ANKAR: variants seen among roughly 807,000 people sequenced by gnomAD.
ANKAR encodes ankyrin and armadillo repeat containing.
Under a neutral mutation model 146.2 loss-of-function variants are expected in ANKAR, and 136 were observed. The ratio of observed to expected loss-of-function variants is 0.93; its 90% CI spans 0.81 to 1.07. The LOEUF is 1.07. Among genes scored for constraint, ANKAR ranks in the 50% least tolerant of loss-of-function variants. The pLI, the probability that ANKAR is intolerant of heterozygous loss-of-function variation, is 0.00. For missense variants in ANKAR, 1,567 were observed against 1,679.9 expected (o/e 0.93, Z 1.18); for synonymous variants, 500 against 575.8 (o/e 0.87, Z 1.88).
chr2:189,732,146 C>A (rs2042461488), intron 16 of ANKAR, among the ~76,000 whole-genome samples: 1 of 152,152 alleles, frequency 6.6e-6, no homozygotes, highest in African/African-American at 2.4e-5. Context: ...ATGGATAAAA[C>A]ATTTTGCAAT....
chr2:189,693,242 A>G, intron 5 of ANKAR, 65 bp downstream of exon 5: 1 of 966,440 alleles, frequency 1.0e-6, no homozygotes, highest in East Asian at 2.5e-5. Flanking sequence ...GAGAACAAAG[A>G]AAATGACAAA....
chr2:189,744,362 G>C (rs148876851), intron 21 of ANKAR, among the ~76,000 whole-genome samples: 4 of 152,280 alleles, frequency 2.6e-5, no homozygotes, highest in African/African-American at 9.6e-5. Context: ...AAGGAATTAA[G>C]ATAAATAATG....
At chr2:189,750,611 G>A, downstream of ANKAR, 2 of 1,592,094 alleles carry the variant, frequency 1.3e-6, no homozygotes, top group South Asian at 1.1e-5. Flanking sequence ...GTACTTTTAT[G>A]GAAGCTTCTC....
At chr2:189,752,868 T>C in intron 18 of ANKAR, 2 of 1,613,846 alleles carry the variant, frequency 1.2e-6, no homozygotes, top group Non-Finnish European at 1.7e-6. Flanking sequence ...ATAATGCCAT[T>C]ATCAGTGCAT....
chr2:189,758,265 C>T (rs2046382848), intron 18 of ANKAR, among the ~76,000 whole-genome samples: 2 of 152,022 alleles, frequency 1.3e-5, no homozygotes, highest in South Asian at 4.1e-4. Context: ...CCTATAATCC[C>T]AGCTATTCTG....
chr2:189,762,423 C>T (rs764923507), downstream of ANKAR: 6 of 227,466 alleles, frequency 2.6e-5, no homozygotes, highest in Non-Finnish European at 4.4e-5. Flanking sequence ...AGATGAGCGA[C>T]CTATTTGCAG....
chr2:189,758,972 G>A (rs1365911897), intron 18 of ANKAR, among the ~76,000 whole-genome samples: 1 of 152,196 alleles, frequency 6.6e-6, no homozygotes, highest in Non-Finnish European at 1.5e-5. Flanking sequence ...AAAGGACTGT[G>A]AAGCTGAGGC....
At chr2:189,690,312 C>T (rs1283507537) in intron 3 of ANKAR, among the ~76,000 whole-genome samples, 1 of 152,016 alleles carries the variant, frequency 6.6e-6, no homozygotes, top group East Asian at 1.9e-4. Flanking sequence ...ATTCAAAATC[C>T]TGATGATATT....
chr2:189,718,996 G>A (rs541987038), intron 10 of ANKAR, among the ~76,000 whole-genome samples: 163 of 151,686 alleles, frequency 1.1e-3, no homozygotes, highest in Non-Finnish European at 1.8e-3. Context: ...TGATCCACCC[G>A]CCTCGGCCTC....
At chr2:189,758,363 A>G (rs2046405397) in intron 18 of ANKAR, among the ~76,000 whole-genome samples, 1 of 152,002 alleles carries the variant, frequency 6.6e-6, no homozygotes, top group Admixed American at 6.5e-5. Flanking sequence ...TCTGGGCAAC[A>G]AGAGCAAAAC....
chr2:189,704,951 CA>C (rs2038718300), intron 7 of ANKAR, 71 bp from the exon 8 acceptor site: 5 of 1,413,546 alleles, frequency 3.5e-6, no homozygotes, highest in Non-Finnish European at 5.0e-6. Context: ...GGCTGGATAT[CA>C]ATAAGGCATT....
downstream of ANKAR, among the ~76,000 whole-genome samples, chr2:189,749,244 T>TAAAAAAAA (rs397987026): frequency 1.6e-5 from 1 of 63,254 alleles, no homozygotes; most frequent in African/African-American, 6.5e-5. Flanking sequence ...AGACTCTGTC[T>TAAAAAAAA]AAAAAAAAAA....
rs368164759 is a variant in ANKAR, at chr2:189,746,530, C to T, written c.4208C>T (p.Thr1403Ile). ...HNIFSFSSTITSDITNVSRPR... is the reference protein window; with the variant it reads ...HNIFSFSSTIISDITNVSRPR... Reference sequence around the variant, plus strand: ...ATTTTTTCTTTTTCATCTACAATTACATCAGATATCACAAATGTATCAAGA... The same window carrying T: ...ATTTTTTCTTTTTCATCTACAATTATATCAGATATCACAAATGTATCAAGA... Residue 1403 changes from threonine (T) to isoleucine (I), a missense_variant, in exon 23 of 23, where the codon ACA (threonine) becomes ATA (isoleucine). Coordinates refer to ENST00000684021, the MANE Select transcript of ANKAR (RefSeq NM_001378068.1). The T allele has an allele frequency of 1.2e-4, 192 of 1,613,790 alleles. No individual in the cohort carries two copies. The highest frequency in any genetic ancestry group is 1.5e-4 in the Non-Finnish European group (182 of 1,179,898).
Position 189,720,648 on chromosome 2 carries a change from G to T in ANKAR, c.2496G>T (p.Leu832Phe). The change falls in exon 12 of 23, where the codon TTG (leucine) becomes TTT (phenylalanine). Residue 832 changes from leucine (L) to phenylalanine (F), a missense_variant. Leu to Phe is a conservative substitution (Grantham distance 22, BLOSUM62 0). Coordinates refer to ENST00000684021, the MANE Select transcript of ANKAR (RefSeq NM_001378068.1). ...GAATCCCAAGCCTGATAAATCTATT[G>T]AACTTAAACATAGAAAATGTGCTAG... Reference protein sequence around the residue: ...YNGIPSLINLLNLNIENVLVN... With the variant: ...YNGIPSLINLFNLNIENVLVN... The T allele has an allele frequency of 1.5e-6, 2 of 1,374,882 alleles. No individual in the cohort carries two copies. Among genetic ancestry groups the T allele is most frequent in the South Asian group, 4.2e-5 (2 of 47,948 alleles). 85.2% of individuals were successfully genotyped at this position (1,374,882 alleles called of 1,614,324 possible). A position where few individuals can be genotyped will look rare whatever the true frequency, so the allele number is the denominator to read the frequency against.
chr2:189,690,259 A>G (rs1436950600), intron 3 of ANKAR, among the ~76,000 whole-genome samples: 1 of 152,198 alleles, frequency 6.6e-6, no homozygotes, highest in African/African-American at 2.4e-5. Flanking sequence ...CTGTGAATGT[A>G]TCATATCTCA....
intron 18 of ANKAR, among the ~76,000 whole-genome samples, chr2:189,757,959 A>C (rs1406674437): frequency 6.6e-6 from 1 of 152,196 alleles, no homozygotes; most frequent in Non-Finnish European, 1.5e-5. Context: ...GTCCCTGCCC[A>C]AATCTCATGT....
At chr2:189,732,981 T>C (rs2042554730) in intron 16 of ANKAR, 126 bp from the exon 17 acceptor site, 1 of 886,270 alleles carries the variant, frequency 1.1e-6, no homozygotes, top group African/African-American at 1.7e-5. Flanking sequence ...CTGGAATCAA[T>C]GGATTATATT....
At position 189,754,600 on chromosome 2, in the gene ANKAR, T is replaced by G. The variant is rs571650825; in HGVS notation, c.*585-6498T>G. The G allele has an allele frequency of 9.1e-6, 4 of 441,060 alleles. No individual in the cohort carries two copies. In the South Asian group the frequency reaches 1.1e-4, roughly 12 times the overall value. The allele number at this position is 441,060 out of a possible 1,614,324, so 27.3% of individuals were successfully genotyped here. ...CTCTTCTATTGGTTGGAAAATGGGCTTGAAGTTGACAATAACTGCTTAATG... is the reference window on the plus strand; with the variant it reads ...CTCTTCTATTGGTTGGAAAATGGGCGTGAAGTTGACAATAACTGCTTAATG... On this transcript the variant is annotated intron_variant and NMD_transcript_variant, in intron 18 of 18. Transcript: ENST00000441800.
intron 17 of ANKAR, among the ~76,000 whole-genome samples, chr2:189,736,502 T>TTTTTTTTTTTTTGTG (rs1422561376): frequency 1.4e-5 from 2 of 142,066 alleles, no homozygotes; most frequent in African/African-American, 5.1e-5. Context: ...TGACTGGGTT[T>TTTTTTTTTTTTTGTG]TGTGTGTGTG....
Sources: allele counts gnomAD v4.1 joint callset (sites outside exome capture counted in the v4.1 genomes callset), GRCh38; gene constraint gnomAD v4.1.1; transcripts MANE v1.5; gene names NCBI Gene and HGNC (gene_info 2026-07-23, HGNC 2026-07-21).